Variants in ECT2L observed in about 807,000 individuals in gnomAD.
ECT2L encodes epithelial cell transforming 2 like.
In ECT2L, 126 loss-of-function variants were observed where a neutral mutation model predicts 122.8. That is an observed-to-expected ratio of 1.03 (90% CI 0.89 to 1.19). ECT2L has a LOEUF of 1.19. ECT2L is among the 50% of genes most tolerant of loss of function. ECT2L has a pLI of 0.00. For missense variants in ECT2L, 1,012 were observed against 1,064.1 expected (o/e 0.95, Z 0.68); for synonymous variants, 385 against 381.8 (o/e 1.01, Z -0.10).
chr6:138,845,199 A>G (rs949453384), intron 7 of ECT2L, among the ~76,000 whole-genome samples: 3 of 150,862 alleles, frequency 2.0e-5, no homozygotes, highest in African/African-American at 7.3e-5. Flanking sequence ...AACCATCACC[A>G]TTGTGCATCT....
Position 138,844,452 on chromosome 6 carries a change from T to C in ECT2L, c.636T>C (p.Thr212=). ...FKVRPPWVSG[T]CCSSVLKPRC... is the part of the protein sequence containing the mutation. ...TTCGACCCCCTTGGGTGAGTGGAAC[T>C]TGCTGCTCTAGCGTGCTAAAGCCCA... The change falls in exon 7 of 22, where the codon ACT becomes ACC. Residue 212 remains threonine, a synonymous_variant. Transcript: ENST00000541398. 6.2e-7 allele frequency: 1 copy of C among 1,614,192 alleles called. No homozygotes were observed.
chr6:138,885,943 G>C (rs1354971257), intron 18 of ECT2L, 113 bp downstream of exon 18: 1 of 1,072,414 alleles, frequency 9.3e-7, no homozygotes, highest in Non-Finnish European at 1.3e-6. Flanking sequence ...TCGCTTTAAA[G>C]TCTTTCATCC....
intron 9 of ECT2L, among the ~76,000 whole-genome samples, chr6:138,850,752 A>G (rs1445877323): frequency 6.6e-6 from 1 of 152,122 alleles, no homozygotes; most frequent in African/African-American, 2.4e-5. Flanking sequence ...CTATAATCCC[A>G]GCGCTTTGGG....
In ECT2L at chr6:138,876,524, A is replaced by T; in HGVS notation, c.1631A>T (p.Lys544Ile). 6.2e-7 allele frequency: 1 copy of T among 1,613,174 alleles called. No individual in the cohort carries two copies. Among genetic ancestry groups the T allele is most frequent in the Non-Finnish European group, 8.5e-7 (1 of 1,179,288 alleles). The change falls in exon 14 of 22, where the codon AAA (lysine) becomes ATA (isoleucine). Residue 544 changes from lysine to isoleucine, a missense_variant. By Grantham distance (102) the Lys-to-Ile change is moderately radical (BLOSUM62 -3). Transcript: ENST00000541398. ...TGGGACACAAAGTCCAGGCTCAGCA[A>T]AAATGATTTAAATTTTGAAGCACTG... ...NSWDTKSRLS[K>I]NDLNFEALIN...
rs1778797286 is a variant in ECT2L at position 138,885,678 on chromosome 6, C to T, written c.2107C>T (p.Pro703Ser). ...CCTTCTCTATGCCTCATACAGCCTG[C>T]CAGAGCTGCTGCTGTACCCATCCCG... ...KTIVTKMLSL[P>S]ELLLYPSRRF... The change falls in exon 18 of 22, where the codon CCA becomes TCA. Residue 703 changes from proline (P) to serine (S), a missense_variant. Transcript: ENST00000541398. 14 of 1,613,894 alleles carry T rather than the reference C, an allele frequency of 8.7e-6. No individual in the cohort carries two copies. Among genetic ancestry groups the T allele is most frequent in the Non-Finnish European group, 1.2e-5 (14 of 1,179,900 alleles).
At chr6:138,810,657 A>G (rs9376371) in intron 1 of ECT2L, among the ~76,000 whole-genome samples, 42,514 of 152,090 alleles carry the variant, frequency 0.28, 7,059 homozygotes, top group African/African-American at 0.45. Context: ...GCCTTCTGAA[A>G]CTGCATTTCA....
At chr6:138,818,234 A>C (rs1479309722) in intron 4 of ECT2L, among the ~76,000 whole-genome samples, 1 of 152,196 alleles carries the variant, frequency 6.6e-6, no homozygotes, top group African/African-American at 2.4e-5. Context: ...TAAACAGCCC[A>C]TGAAGGATTC....
intron 16 of ECT2L, among the ~76,000 whole-genome samples, chr6:138,885,185 C>T (rs1028162279): frequency 1.3e-5 from 2 of 151,860 alleles, no homozygotes; most frequent in African/African-American, 2.4e-5. Context: ...CCCGCCACCA[C>T]GCCTGGCCAA....
At position 138,814,544 on chromosome 6, in the gene ECT2L, C is replaced by G; in HGVS notation, c.120C>G (p.Asn40Lys). The G allele has an allele frequency of 6.2e-7, 1 of 1,612,594 alleles. No individual in the cohort carries two copies. Among genetic ancestry groups the G allele is most frequent in the Non-Finnish European group, 8.5e-7 (1 of 1,179,030 alleles). ...LISHWFDLWT[N>K]KQRQEFLFAI... ...GTCATTGGTTTGACCTCTGGACTAACAAGCAACGTCAAGAATTCTTATTCG... is the reference window on the plus strand; with the variant it reads ...GTCATTGGTTTGACCTCTGGACTAAGAAGCAACGTCAAGAATTCTTATTCG... The change falls in exon 4 of 22, where the codon AAC becomes AAG. Residue 40 changes from asparagine to lysine, a missense_variant. By Grantham distance (94) the Asn-to-Lys change is moderately conservative (BLOSUM62 0). Transcript: ENST00000541398.
chr6:138,857,691 C>T (rs980826472), intron 10 of ECT2L, among the ~76,000 whole-genome samples: 2 of 152,188 alleles, frequency 1.3e-5, no homozygotes, highest in Admixed American at 6.5e-5. Context: ...GCCCTCTTCT[C>T]AATCTCCTTT....
intron 20 of ECT2L, among the ~76,000 whole-genome samples, chr6:138,891,070 G>GAATC (rs1252210021): frequency 6.6e-6 from 1 of 151,948 alleles, no homozygotes; most frequent in Non-Finnish European, 1.5e-5. Context: ...TAGGAAGGGG[G>GAATC]GATTGGATAT....
At chr6:138,871,870 A>G (rs1778268783) in intron 13 of ECT2L, among the ~76,000 whole-genome samples, 1 of 152,044 alleles carries the variant, frequency 6.6e-6, no homozygotes, top group African/African-American at 2.4e-5. Flanking sequence ...TGCTGTTACC[A>G]TAGCACAACC....
chr6:138,826,798 A>C (rs1403083329), intron 4 of ECT2L, among the ~76,000 whole-genome samples: 1 of 152,064 alleles, frequency 6.6e-6, no homozygotes, highest in Non-Finnish European at 1.5e-5. Flanking sequence ...CAGATCCCTC[A>C]TGGTTTGGTG....
intron 1 of ECT2L, among the ~76,000 whole-genome samples, chr6:138,812,233 G>T (rs1459916599): frequency 6.6e-6 from 1 of 152,192 alleles, no homozygotes; most frequent in Non-Finnish European, 1.5e-5. Context: ...CCCTAGAACT[G>T]TGAGAAAATA....
intron 10 of ECT2L, among the ~76,000 whole-genome samples, chr6:138,859,550 C>T (rs1777743754): frequency 6.6e-6 from 1 of 152,126 alleles, no homozygotes; most frequent in South Asian, 2.1e-4. Flanking sequence ...TTGGTACGGC[C>T]AGTCTTTTTG....
chr6:138,864,229 CG>C (rs1481603921), intron 11 of ECT2L, among the ~76,000 whole-genome samples: 2 of 151,744 alleles, frequency 1.3e-5, no homozygotes, highest in African/African-American at 2.4e-5. Flanking sequence ...GGCTGAGGCA[CG>C]AGAATTGCCT....
intron 4 of ECT2L, among the ~76,000 whole-genome samples, chr6:138,821,125 T>C (rs1276392870): frequency 1.3e-5 from 2 of 152,158 alleles, no homozygotes; most frequent in African/African-American, 4.8e-5. Context: ...ACAGACCACA[T>C]GAGCTGTCTC....
chr6:138,856,585 C>T (rs1181717810), intron 10 of ECT2L, among the ~76,000 whole-genome samples: 1 of 152,180 alleles, frequency 6.6e-6, no homozygotes, highest in Non-Finnish European at 1.5e-5. Flanking sequence ...TTCATTTTTG[C>T]TTCCTTCCTT....
intron 20 of ECT2L, among the ~76,000 whole-genome samples, chr6:138,895,331 T>C (rs1426333009): frequency 6.6e-6 from 1 of 152,082 alleles, no homozygotes; most frequent in East Asian, 1.9e-4. Flanking sequence ...CTTCTCTCAT[T>C]TGATAGATTT....
Sources: allele counts gnomAD v4.1 joint callset (sites outside exome capture counted in the v4.1 genomes callset), GRCh38; gene constraint gnomAD v4.1.1; transcripts MANE v1.5; gene names NCBI Gene and HGNC (gene_info 2026-07-23, HGNC 2026-07-21).